The following COL5A2 variants were observed in gnomAD, a reference collection of about 807,000 sequenced individuals.
COL5A2 encodes the protein collagen alpha-2(V) chain.
Under a neutral mutation model 208.2 loss-of-function variants are expected in COL5A2, and 23 were observed. The observed-to-expected ratio is 0.11, with a 90% CI of 0.08 to 0.16. The LOEUF is 0.16. COL5A2 is among the 10% of genes least tolerant of loss of function. The pLI, the probability that COL5A2 is intolerant of heterozygous loss-of-function variation, is 1.00. For missense variants in COL5A2, 1,590 were observed against 1,956.4 expected (o/e 0.81, Z 3.53); for synonymous variants, 625 against 628.5 (o/e 0.99, Z 0.08).
At chr2:189,311,921 T>A in the COL5A2 span, 3 of 810,720 alleles carry the variant, frequency 3.7e-6, no homozygotes, top group South Asian at 2.6e-5. Flanking sequence ...CAGCTCTGCC[T>A]TGAGAGCCTC....
chr2:189,326,717 G>A, the COL5A2 span, among the ~76,000 whole-genome samples: 1 of 150,030 alleles, frequency 6.7e-6, no homozygotes, highest in East Asian at 2.0e-4. Flanking sequence ...CTTTTCTGGT[G>A]GGGAGTGGGG....
At chr2:189,301,621 A>G in the COL5A2 span, among the ~76,000 whole-genome samples, 1 of 152,168 alleles carries the variant, frequency 6.6e-6, no homozygotes, top group African/African-American at 2.4e-5. Context: ...AACATGGTAA[A>G]CAGCTCCACA....
chr2:189,320,932 C>T, the COL5A2 span, among the ~76,000 whole-genome samples: 2 of 152,180 alleles, frequency 1.3e-5, no homozygotes, highest in Non-Finnish European at 2.9e-5. Flanking sequence ...TCGGGTTACC[C>T]ACACAGGGAA....
chr2:189,295,777 C>A, the COL5A2 span, among the ~76,000 whole-genome samples: 1 of 151,046 alleles, frequency 6.6e-6, no homozygotes, highest in Admixed American at 6.6e-5. Context: ...AACTTAAATT[C>A]CGTGAGCCTC....
At chr2:189,086,284 A>G (rs1020812294) in intron 9 of COL5A2, among the ~76,000 whole-genome samples, 4 of 152,228 alleles carry the variant, frequency 2.6e-5, no homozygotes, top group African/African-American at 9.7e-5. Flanking sequence ...TCTGATAGGC[A>G]TTTTAAAAGC....
At chr2:189,426,062 G>A in the COL5A2 span, among the ~76,000 whole-genome samples, 1 of 152,158 alleles carries the variant, frequency 6.6e-6, no homozygotes, top group African/African-American at 2.4e-5. Context: ...AAAGATACCT[G>A]ATAATGTGGA....
chr2:189,041,465 C>T (rs1685557978), intron 50 of COL5A2, 121 bp downstream of exon 50: 1 of 798,962 alleles, frequency 1.3e-6, no homozygotes, highest in African/African-American at 1.7e-5. Context: ...TGTGTGACTT[C>T]TACGTTTGTT....
chr2:189,231,589 C>A, the COL5A2 span, among the ~76,000 whole-genome samples: 2 of 151,534 alleles, frequency 1.3e-5, no homozygotes, highest in African/African-American at 4.8e-5. Flanking sequence ...ACAAGCCTGA[C>A]CCCCCAGCTT....
intron 48 of COL5A2, 131 bp from the exon 49 acceptor site, chr2:189,042,904 T>A (rs1376362908): frequency 2.2e-6 from 2 of 915,922 alleles, no homozygotes; most frequent in East Asian, 5.2e-5. Context: ...CTGCAATGTC[T>A]ACATGAGTTG....
upstream of COL5A2, chr2:189,179,828 C>T (rs1688750572): frequency 1.5e-6 from 1 of 669,490 alleles, no homozygotes. Flanking sequence ...TTTCCTGCCC[C>T]TTTTCAGCTT....
chr2:189,208,737 T>A (rs1689172957), intron 1 of COL5A2, among the ~76,000 whole-genome samples: 1 of 152,218 alleles, frequency 6.6e-6, no homozygotes, highest in Non-Finnish European at 1.5e-5. Flanking sequence ...TTAGAAAGTA[T>A]ACTACATTGG....
chr2:189,108,413 A>T lies in COL5A2; in HGVS notation c.322+1812T>A, dbSNP rs79751349. On this transcript the variant is annotated intron_variant, in intron 2 of 53. Transcript: ENST00000374866. ...AATTAACCATATTATCTCCTTAAGA[A>T]ATATGTATATATTGCTCCACTGTCT... Among the ~76,000 whole-genome samples the T allele has an allele frequency of 7.2e-3, 1,100 of 151,966 alleles. 14 individuals are homozygous for T. The highest frequency in any genetic ancestry group is 0.024 in the African/African-American group (1,017 of 41,544).
intron 1 of COL5A2, among the ~76,000 whole-genome samples, chr2:189,131,803 A>ATC (rs1413593360): frequency 6.6e-6 from 1 of 152,268 alleles, no homozygotes; most frequent in African/African-American, 2.4e-5. Context: ...GAATTTCTTC[A>ATC]TCCATATACA....
the COL5A2 span, among the ~76,000 whole-genome samples, chr2:189,321,727 G>A: frequency 3.9e-5 from 6 of 151,972 alleles, no homozygotes; most frequent in African/African-American, 9.7e-5. Flanking sequence ...CAATAATGAC[G>A]GCAGACTTTA....
At chr2:189,142,942 T>A (rs1304204753) in intron 1 of COL5A2, among the ~76,000 whole-genome samples, 1 of 152,150 alleles carries the variant, frequency 6.6e-6, no homozygotes, top group Non-Finnish European at 1.5e-5. Flanking sequence ...AAATATTATT[T>A]TTATATACCA....
chr2:189,382,380 T>G, the COL5A2 span, among the ~76,000 whole-genome samples: 1 of 151,938 alleles, frequency 6.6e-6, no homozygotes, highest in Non-Finnish European at 1.5e-5. Context: ...AAAATAAAAA[T>G]TAATTTTTAA....
intron 1 of COL5A2, among the ~76,000 whole-genome samples, chr2:189,145,297 T>C (rs1688015988): frequency 6.6e-6 from 1 of 152,152 alleles, no homozygotes; most frequent in Admixed American, 6.6e-5. Context: ...GAATTAAGAA[T>C]GATACATTTC....
intron 6 of COL5A2, among the ~76,000 whole-genome samples, chr2:189,094,523 ACG>A: frequency 6.9e-6 from 1 of 145,406 alleles, no homozygotes; most frequent in Non-Finnish European, 1.5e-5. Flanking sequence ...AGTAGAAAAG[ACG>A]AATGACCGGG....
the COL5A2 span, among the ~76,000 whole-genome samples, chr2:189,438,041 A>T: frequency 6.6e-6 from 1 of 151,934 alleles, no homozygotes; most frequent in East Asian, 1.9e-4. Context: ...TCAAAACTCA[A>T]CAAGAAGATA....
Sources: allele counts gnomAD v4.1 joint callset (sites outside exome capture counted in the v4.1 genomes callset), GRCh38; gene constraint gnomAD v4.1.1; transcripts MANE v1.5; gene names NCBI Gene and HGNC (gene_info 2026-07-23, HGNC 2026-07-21).